The following DENND4A variants were observed in gnomAD, a reference collection of about 807,000 sequenced individuals.
DENND4A encodes the protein DENN domain containing 4A, also known as C-myc promoter-binding protein.
Under a neutral mutation model 199.3 loss-of-function variants are expected in DENND4A, and 70 were observed. The observed-to-expected ratio is 0.35, with a 90% confidence interval of 0.29 to 0.43. The LOEUF is 0.43. Among genes scored for constraint, DENND4A ranks in the 20% least tolerant of loss-of-function variants. The pLI, the probability that DENND4A is intolerant of heterozygous loss-of-function variation, is 1.00. For synonymous variants in DENND4A, 686 were observed against 766.9 expected, an observed-to-expected ratio of 0.89 and a Z score of 1.74; for missense variants, 1,723 against 2,255.8, an observed-to-expected ratio of 0.76 and a Z score of 4.78.
chr15:65,739,573 T>C (rs1157482771), intron 5 of DENND4A, among the ~76,000 whole-genome samples: 1 of 152,136 alleles, frequency 6.6e-6, no homozygotes, highest in Non-Finnish European at 1.5e-5. Flanking sequence ...TCCCTGGCCA[T>C]AAAGCCCTTA....
intron 16 of DENND4A, among the ~76,000 whole-genome samples, 180 bp downstream of exon 16, chr15:65,702,693 C>A (rs1380653551): frequency 6.6e-6 from 1 of 152,120 alleles, no homozygotes; most frequent in Non-Finnish European, 1.5e-5. Flanking sequence ...AAATAAAGTT[C>A]TAGGACAAGA....
intron 20 of DENND4A, among the ~76,000 whole-genome samples, chr15:65,698,977 ACCTG>A (rs1864803531): frequency 1.3e-5 from 2 of 152,100 alleles, no homozygotes; most frequent in South Asian, 4.1e-4. Flanking sequence ...GCCTCAAGTG[ACCTG>A]CCTGCCTTGG....
chr15:65,722,581 G>T (rs1430748291), intron 12 of DENND4A, among the ~76,000 whole-genome samples: 1 of 151,222 alleles, frequency 6.6e-6, no homozygotes, highest in Non-Finnish European at 1.5e-5. Flanking sequence ...TTTTAAGATG[G>T]TTCTATAAAA....
chr15:65,683,027 G>A lies in DENND4A; in HGVS notation c.4180-6393C>T, dbSNP rs542806153. ...CCATAACAGATATAATAACAAAAAA[G>A]TTTGAAATATTGCAAGAATTACCAA... On this transcript the variant is annotated intron_variant, in intron 23 of 32. Transcript: ENST00000443035. 4.6e-5 allele frequency among the ~76,000 whole-genome samples: 7 copies of A among 152,232 alleles called. 1 individual carries two copies. The South Asian group carries it at 1.4e-3, about 32-fold the overall frequency.
At chr15:65,712,353 T>C (rs997512158) in intron 14 of DENND4A, among the ~76,000 whole-genome samples, 1 of 152,176 alleles carries the variant, frequency 6.6e-6, no homozygotes, top group Admixed American at 6.5e-5. Flanking sequence ...TAAACGTGAA[T>C]AAAACCCAGT....
rs2140393443 is a variant in DENND4A at position 65,731,532 on chromosome 15, TAAATGAGA to T, written c.1166+102_1166+109del. ...AAAAGGAATTTAGAGAAGTAGTAGTTAAATGAGAAGTATTTCCATCAATATTTGAAATT... is the reference window on the plus strand; with the variant it reads ...AAAAGGAATTTAGAGAAGTAGTAGTTAGTATTTCCATCAATATTTGAAATT... On this transcript the variant is annotated intron_variant, in intron 9 of 32. Transcript: ENST00000443035. The T allele has an allele frequency of 6.9e-6, 6 of 866,218 alleles. No individual in the cohort carries two copies. In the East Asian group the frequency reaches 1.7e-4, roughly 24 times the overall value. 53.7% of individuals were successfully genotyped at this position (866,218 alleles called of 1,614,324 possible). A position where few individuals can be genotyped will look rare whatever the true frequency, so the allele number is the denominator to read the frequency against.
intron 7 of DENND4A, among the ~76,000 whole-genome samples, chr15:65,735,121 T>C (rs906477713): frequency 2.6e-5 from 4 of 151,608 alleles, no homozygotes; most frequent in Admixed American, 2.6e-4. Context: ...CTCACACCTG[T>C]AATCTCAGCA....
At position 65,731,686 on chromosome 15, in the gene DENND4A, A is replaced by AT. The variant is rs1260759136; in HGVS notation, c.1121dup (p.Asp374GlufsTer2). 6.4e-7 allele frequency: 1 copy of AT among 1,558,164 alleles called. No homozygotes were observed. The highest frequency in any genetic ancestry group is 8.7e-7 in the Non-Finnish European group (1 of 1,149,956). Reference sequence around the variant, plus strand: ...ACACAGGCTGACTGAGAATCAGATTATCATGTGGTGATAACTGGAAGAAGA... The same window carrying AT: ...ACACAGGCTGACTGAGAATCAGATTATTCATGTGGTGATAACTGGAAGAAGA... On this transcript the variant is annotated frameshift_variant, in exon 9 of 33. Coordinates refer to ENST00000443035, the MANE Select transcript of DENND4A (RefSeq NM_001320835.1). LOFTEE classifies it high-confidence loss of function.
In DENND4A at chr15:65,664,670, G is replaced by A. The variant is rs1336050092; in HGVS notation, c.5412C>T (p.Asn1804=). 1.2e-6 allele frequency: 2 copies of A among 1,612,622 alleles called. No individual in the cohort carries two copies. Among genetic ancestry groups the A allele is most frequent in the African/African-American group, 1.3e-5 (1 of 74,846 alleles). The change falls in exon 31 of 33, where the codon AAC becomes AAT. Residue 1804 remains asparagine (N), a synonymous_variant. Transcript: ENST00000443035. ...HLLQKSDNSF[N]QELLKSMVKS... is the part of the protein sequence containing the mutation. ...TTACCATACTTTTCAACAGTTCCTG[G>A]TTAAATGAGTTATCACTTTTTTGCA... is the stretch of plus-strand genomic sequence containing the variant.
chr15:65,746,055 C>A (rs2140520829), intron 4 of DENND4A, among the ~76,000 whole-genome samples: 1 of 151,790 alleles, frequency 6.6e-6, no homozygotes, highest in East Asian at 1.9e-4. Flanking sequence ...GCAGGAGAAT[C>A]CCTTGAACCC....
intron 27 of DENND4A, 87 bp from the exon 28 acceptor site, chr15:65,668,210 CTTTTTT>C: frequency 1.5e-6 from 1 of 671,142 alleles, no homozygotes; most frequent in Non-Finnish European, 2.2e-6. Context: ...CTCTCTCTCT[CTTTTTT>C]TTTTTTTTTT....
intron 32 of DENND4A, among the ~76,000 whole-genome samples, chr15:65,662,490 C>G (rs2075880693): frequency 6.6e-6 from 1 of 151,544 alleles, no homozygotes; most frequent in African/African-American, 2.4e-5. Flanking sequence ...TTTCCCTTTT[C>G]CACATGGCAA....
chr15:65,752,281 CAAAAAAAAA>C (rs61418354), intron 4 of DENND4A, 89 bp downstream of exon 4: 198 of 272,628 alleles, frequency 7.3e-4, no homozygotes, highest in South Asian at 3.9e-3. Flanking sequence ...TGCTGTTTTC[CAAAAAAAAA>C]AAAAAAAAAA....
At chr15:65,681,571 A>ATTTTTTTTTTTTTTTTTTTTTTTT (rs1319956178) in intron 23 of DENND4A, among the ~76,000 whole-genome samples, 1 of 142,350 alleles carries the variant, frequency 7.0e-6, no homozygotes. Context: ...TTGACATTTC[A>ATTTTTTTTTTTTTTTTTTTTTTTT]TTTTTTTGTT....
At chr15:65,770,923 A>G (rs756462509) in intron 1 of DENND4A, among the ~76,000 whole-genome samples, 3 of 152,232 alleles carry the variant, frequency 2.0e-5, no homozygotes, top group Non-Finnish European at 4.4e-5. Flanking sequence ...TTCTCAAGAC[A>G]TTTTAGTTAG....
At position 65,731,703 on chromosome 15, in the gene DENND4A, GGAA is replaced by G. The variant is rs767556597; in HGVS notation, c.1108-6_1108-4del. On this transcript the variant is annotated splice_polypyrimidine_tract_variant and splice_region_variant and intron_variant, in intron 8 of 32. Coordinates refer to ENST00000443035, the MANE Select transcript of DENND4A (RefSeq NM_001320835.1). ...ATCAGATTATCATGTGGTGATAACT[GGAA>G]GAAGATTTAAAATAAAGAATTTGAA... The G allele has an allele frequency of 1.3e-4, 193 of 1,543,336 alleles. No individual in the cohort carries two copies. The South Asian group carries it at 2.1e-3, about 17-fold the overall frequency.
rs758754799 is a variant in DENND4A, at chr15:65,756,471, A to G, written c.-21T>C. The G allele has an allele frequency of 1.3e-6, 2 of 1,570,856 alleles. No homozygotes were observed. Among genetic ancestry groups the G allele is most frequent in the Admixed American group, 3.9e-5 (2 of 51,374 alleles). ...ATCATCTTCCATTACAGAAGGTTACATCTAAAAGGAAAGTAAAAGACTAGT... is the reference window on the plus strand; with the variant it reads ...ATCATCTTCCATTACAGAAGGTTACGTCTAAAAGGAAAGTAAAAGACTAGT... On this transcript the variant is annotated splice_region_variant and 5_prime_UTR_variant, in exon 3 of 33. It removes an upstream start codon present in the reference 5' UTR. Coordinates refer to ENST00000443035, the MANE Select transcript of DENND4A (RefSeq NM_001320835.1).
At chr15:65,665,729 C>G (rs1596379883) in intron 29 of DENND4A, among the ~76,000 whole-genome samples, 1 of 152,174 alleles carries the variant, frequency 6.6e-6, no homozygotes, top group East Asian at 1.9e-4. Context: ...TCCTCTTGCT[C>G]ATGATTGAAA....
At chr15:65,699,567 A>AT (rs2077275667) in intron 20 of DENND4A, among the ~76,000 whole-genome samples, 2 of 150,226 alleles carry the variant, frequency 1.3e-5, no homozygotes, top group African/African-American at 4.9e-5. Context: ...ATATAATTCT[A>AT]TATACACATA....
Sources: gnomAD v4.1 joint callset for allele counts (sites outside exome capture counted in the v4.1 genomes callset) on GRCh38, gnomAD v4.1.1 for gene constraint, MANE v1.5 for transcripts, NCBI Gene and HGNC (gene_info 2026-07-23, HGNC 2026-07-21) for gene names.